The following PIDD1 variants were observed in gnomAD, a reference collection of about 807,000 sequenced individuals.
PIDD1 encodes the protein p53-induced death domain-containing protein 1.
In PIDD1, 72 loss-of-function variants were observed where a neutral mutation model predicts 80.0. The ratio of observed to expected loss-of-function variants is 0.90; its 90% CI spans 0.74 to 1.09. The LOEUF (loss-of-function observed/expected upper bound fraction) is 1.09. Among genes scored for constraint, PIDD1 ranks in the 50% least tolerant of loss-of-function variants. The probability of loss-of-function intolerance (pLI) is 0.00; values close to 1 mark genes in which losing one functional copy is unlikely to be tolerated. For synonymous variants in PIDD1, 655 were observed against 543.5 expected (o/e 1.21, Z -2.85); for missense variants, 1,329 against 1,228.3 (o/e 1.08, Z -1.23).
chr11:800,641 A>C lies in PIDD1; in HGVS notation c.1943T>G (p.Leu648Arg). The C allele has an allele frequency of 6.3e-7, 1 of 1,593,504 alleles. No homozygotes were observed. The highest frequency in any genetic ancestry group is 2.3e-5 in the East Asian group (1 of 44,348). ...NKVDATLRRL[L>R]ERYRGPEPSD... ...GGGCTCGGGGCCCCGGTACCGCTCC[A>C]GCAGCCGCCGAAGGGTGGCGTCCAC... is the stretch of plus-strand genomic sequence containing the variant. The change falls in exon 12 of 16, where the codon CTG (leucine) becomes CGG (arginine). Residue 648 changes from leucine (L) to arginine (R), a missense_variant. Coordinates refer to ENST00000347755, the MANE Select transcript of PIDD1 (RefSeq NM_145886.4).
Position 801,346 on chromosome 11 carries a change from C to T in PIDD1, c.1502G>A (p.Arg501Gln), listed in dbSNP as rs754213888. 1.3e-5 allele frequency: 21 copies of T among 1,609,158 alleles called. No individual in the cohort carries two copies. The highest frequency in any genetic ancestry group is 2.2e-5 in the East Asian group (1 of 44,848). Reference sequence around the variant, plus strand: ...TTCTCCCAGGAGGGCCTGCAGCTCTCGGCCAGCCATGCGCACCACCTGGGG... The same window carrying T: ...TTCTCCCAGGAGGGCCTGCAGCTCTTGGCCAGCCATGCGCACCACCTGGGG... ...VSMQVVRMAG[R>Q]ELQALLGEPE... The change falls in exon 9 of 16, where the codon CGA (arginine) becomes CAA (glutamine). Residue 501 changes from arginine to glutamine, a missense_variant. Coordinates refer to ENST00000347755, the MANE Select transcript of PIDD1 (RefSeq NM_145886.4).
At chr11:800,713 C>T (rs1238069673) in intron 11 of PIDD1, 47 bp from the exon 12 acceptor site, 2 of 1,550,002 alleles carry the variant, frequency 1.3e-6, no homozygotes, top group Non-Finnish European at 1.7e-6. Context: ...CTGCACCCCA[C>T]CCCAGCCCTC....
upstream of PIDD1, among the ~76,000 whole-genome samples, chr11:807,440 C>G (rs1216954144): frequency 6.6e-6 from 1 of 151,376 alleles, no homozygotes; most frequent in Non-Finnish European, 1.5e-5. Context: ...GATTGCGCCA[C>G]TGCACTCCAG....
chr11:808,075 G>A (rs527768398), upstream of PIDD1, among the ~76,000 whole-genome samples: 1 of 152,096 alleles, frequency 6.6e-6, no homozygotes, highest in South Asian at 2.1e-4. Context: ...TATCAAGGGT[G>A]GGGGAGCAGG....
At position 802,882 on chromosome 11, in the gene PIDD1, C is replaced by T. The variant is rs371538473; in HGVS notation, c.719G>A (p.Arg240Gln). The T allele has an allele frequency of 2.7e-5, 42 of 1,566,380 alleles. 1 individual carries two copies. The Admixed American group carries it at 4.2e-4, about 16-fold the overall frequency. Residue 240 changes from arginine (R) to glutamine (Q), a missense_variant, in exon 4 of 16, where the codon CGG (arginine) becomes CAG (glutamine). Transcript: ENST00000347755. ...GTGCAGGACAAGGAGCCGCAAGGAC[C>T]GAAGTCCCGCTGCGGGCAGTTGCTG... The part of the protein sequence containing the change: ...QSLPASLAGL[R>Q]SLRLLVLHSN...
In PIDD1 at chr11:799,383, C is replaced by G. The variant is rs147404421; in HGVS notation, c.2657G>C (p.Arg886Pro). 3 of 1,611,802 alleles carry G rather than the reference C, an allele frequency of 1.9e-6. No homozygotes were observed. The South Asian group carries it at 3.3e-5, about 18-fold the overall frequency. ...GGGGTCCTTGGGGGCCAAGCCCATG[C>G]GTCGGATGCTGTCCTGGTACTTGCG... ...GRRKYQDSIR[R>P]MGLAPKDPAL... The change falls in exon 16 of 16, where the codon CGC becomes CCC. Residue 886 changes from arginine (R) to proline (P), a missense_variant. Coordinates refer to ENST00000347755, the MANE Select transcript of PIDD1 (RefSeq NM_145886.4).
rs767711704 is a variant in PIDD1 at position 799,513 on chromosome 11, G to A, written c.2527C>T (p.Gln843Ter). 1 of 1,606,240 alleles carries A rather than the reference G, an allele frequency of 6.2e-7. No individual in the cohort carries two copies. The highest frequency in any genetic ancestry group is 8.5e-7 in the Non-Finnish European group (1 of 1,179,756). ...RHMLFSWAER[Q>*]AGQPGAVGLL... ...CCCACAGCCCCTGGCTGCCCAGCCTGGCGCTCAGCCCAGGAGAAGAGCATG... is the reference window on the plus strand; with the variant it reads ...CCCACAGCCCCTGGCTGCCCAGCCTAGCGCTCAGCCCAGGAGAAGAGCATG... Residue 843 changes from glutamine to a stop codon, truncating the protein, a stop_gained, in exon 16 of 16, where the codon CAG becomes TAG. Transcript: ENST00000347755. LOFTEE classifies it low-confidence loss of function (END_TRUNC).
rs1053901539 is a variant in PIDD1 at position 802,193 on chromosome 11, G to A, written c.1176+2C>T. 6.2e-7 allele frequency: 1 copy of A among 1,600,394 alleles called. No homozygotes were observed. The highest frequency in any genetic ancestry group is 8.5e-7 in the Non-Finnish European group (1 of 1,174,418). The stretch of plus-strand genomic sequence containing the variant: ...ACTGCCCCCGCCACGCCCTGTCCAT[G>A]CCTGCTGGAAGGCCACCCCATGGGG... On this transcript the variant is annotated splice_donor_variant, in intron 6 of 15. Transcript: ENST00000347755. LOFTEE classifies it low-confidence loss of function (GC_TO_GT_DONOR).
At position 801,586 on chromosome 11, in the gene PIDD1, C is replaced by T. The variant is rs1192052248; in HGVS notation, c.1341G>A (p.Trp447Ter). 3 of 1,567,322 alleles carry T rather than the reference C, an allele frequency of 1.9e-6. No homozygotes were observed. Among genetic ancestry groups the T allele is most frequent in the South Asian group, 1.2e-5 (1 of 85,358 alleles). ...WAHCQVPHFS[W>*]FLVVSRPVSN... ...ACACAGGGCGGGAAACCACAAGGAA[C>T]CAGGAGAAGTGGGGCACCTGGCAGT... The change falls in exon 8 of 16, where the codon TGG becomes TGA. Residue 447 changes from tryptophan (W) to a stop codon, truncating the protein, a stop_gained. Coordinates refer to ENST00000347755, the MANE Select transcript of PIDD1 (RefSeq NM_145886.4). LOFTEE classifies it high-confidence loss of function.
chr11:805,287 G>C, upstream of PIDD1: 1 of 927,672 alleles, frequency 1.1e-6, no homozygotes. Flanking sequence ...CGCCCCTTGG[G>C]CCCCGCCCCC....
chr11:803,634 G>T (rs1011220202), intron 2 of PIDD1, 47 bp from the exon 3 acceptor site: 1 of 1,555,916 alleles, frequency 6.4e-7, no homozygotes. Flanking sequence ...AGGGTCCGAG[G>T]TCCCAGATCG....
In PIDD1 at chr11:804,254, C is replaced by G. The variant is rs982081852; in HGVS notation, c.135G>C (p.Gly45=). Residue 45 remains glycine, a synonymous_variant, in exon 2 of 16, where the codon GGG becomes GGC. Coordinates refer to ENST00000347755, the MANE Select transcript of PIDD1 (RefSeq NM_145886.4). ...ACAGGTGCAGCAGCTGCTGGCAGCC[C>G]CCGGGGTACAGGTCCAAGCTCAGCC... The part of the protein sequence containing the change: ...GNRLSLDLYP[G]GCQQLLHLCV... The G allele has an allele frequency of 6.2e-7, 1 of 1,612,912 alleles. No individual in the cohort carries two copies. The highest frequency in any genetic ancestry group is 1.7e-5 in the Admixed American group (1 of 59,994).
At position 802,775 on chromosome 11, in the gene PIDD1, G is replaced by A. The variant is rs759178582; in HGVS notation, c.826C>T (p.Arg276Trp). 2.5e-5 allele frequency: 40 copies of A among 1,608,252 alleles called. No homozygotes were observed. The highest frequency in any genetic ancestry group is 2.2e-4 in the South Asian group (20 of 90,176). Residue 276 changes from arginine to tryptophan, a missense_variant, in exon 4 of 16, where the codon CGG becomes TGG. Transcript: ENST00000347755. ...TCTAGCAGCTCAGGGGGCAGGTCCC[G>A]GAGCTGGTTGTCCCTCAGGTCGAGC... is the stretch of plus-strand genomic sequence containing the variant. ...TRLDLRDNQL[R>W]DLPPELLDAP... is the part of the protein sequence containing the mutation.
At position 802,263 on chromosome 11, in the gene PIDD1, G is replaced by C. The variant is rs774041587; in HGVS notation, c.1108C>G (p.Leu370Val). 2 of 1,611,800 alleles carry C rather than the reference G, an allele frequency of 1.2e-6. No homozygotes were observed. The highest frequency in any genetic ancestry group is 2.2e-5 in the East Asian group (1 of 44,892). ...LLLPEPGLVP[L>V]GPHDALLSHV... is the part of the protein sequence containing the mutation. ...CTGAGCAGGGCGTCATGAGGACCCA[G>C]GGGGACGAGGCCTGGCTCCGGCAGC... is the stretch of plus-strand genomic sequence containing the variant. Residue 370 changes from leucine (L) to valine (V), a missense_variant, in exon 6 of 16, where the codon CTG (leucine) becomes GTG (valine). Transcript: ENST00000347755.
upstream of PIDD1, among the ~76,000 whole-genome samples, chr11:807,592 A>C (rs1382112848): frequency 1.3e-5 from 2 of 151,332 alleles, no homozygotes; most frequent in African/African-American, 4.9e-5. Context: ...CTTGGCTAAC[A>C]CGGTGAAACC....
In PIDD1 at chr11:802,073, C is replaced by A; in HGVS notation, c.1194G>T (p.Leu398=). 6.3e-7 allele frequency: 1 copy of A among 1,579,722 alleles called. No individual in the cohort carries two copies. The highest frequency in any genetic ancestry group is 1.8e-5 in the Admixed American group (1 of 54,374). The part of the protein sequence containing the change: ...VAFQQDVGLW[L]LFTPPQARRC... ...GCCGGGCCTGCGGTGGGGTGAAGAG[C>A]AGCCACAGCCCCACATCCTGCCAGA... Residue 398 remains leucine (L), a synonymous_variant, in exon 7 of 16, where the codon CTG becomes CTT. Transcript: ENST00000347755.
upstream of PIDD1, chr11:805,352 C>T: frequency 4.4e-6 from 2 of 459,372 alleles, no homozygotes; most frequent in Non-Finnish European, 2.9e-6. Flanking sequence ...CTCCCGGCTC[C>T]TCCCCGACCC....
rs139633630 is a variant in PIDD1 at position 800,452 on chromosome 11, C to G, written c.2042-1G>C. 6.8e-6 allele frequency: 11 copies of G among 1,612,168 alleles called. No homozygotes were observed. The African/African-American group carries it at 1.2e-4, about 18-fold the overall frequency. Reference sequence around the variant, plus strand: ...CTGCCCTCCACACAGTCAGGGCGGTCTAGGGGACAGGGGTGGGCTGAGCAA... The same window carrying G: ...CTGCCCTCCACACAGTCAGGGCGGTGTAGGGGACAGGGGTGGGCTGAGCAA... On this transcript the variant is annotated splice_acceptor_variant, in intron 12 of 15. Coordinates refer to ENST00000347755, the MANE Select transcript of PIDD1 (RefSeq NM_145886.4). LOFTEE classifies it high-confidence loss of function.
upstream of PIDD1, among the ~76,000 whole-genome samples, chr11:807,781 A>G (rs914439390): frequency 7.2e-5 from 11 of 152,162 alleles, no homozygotes; most frequent in Admixed American, 1.3e-4. Flanking sequence ...AGTCTCAAAA[A>G]TAAATAAATA....
Sources: allele counts gnomAD v4.1 joint callset (sites outside exome capture counted in the v4.1 genomes callset), GRCh38; gene constraint gnomAD v4.1.1; transcripts MANE v1.5; gene names NCBI Gene and HGNC (gene_info 2026-07-23, HGNC 2026-07-21).